NLRX1: variants seen among roughly 807,000 people sequenced by gnomAD.
The protein encoded by NLRX1 is NOD-like receptor X1.
A neutral mutation model predicts 74.2 loss-of-function variants in NLRX1; 67 were observed. The observed-to-expected ratio is 0.90, with a 90% confidence interval of 0.74 to 1.11. The LOEUF is 1.11. Ranked by LOEUF, NLRX1 falls within the 50% of genes least tolerant of loss-of-function variation. The probability of loss-of-function intolerance (pLI) is 0.00; values close to 1 mark genes in which losing one functional copy is unlikely to be tolerated. For missense variants in NLRX1, 1,191 were observed against 1,305.4 expected (o/e 0.91, Z 1.35); for synonymous variants, 506 against 559.1 (o/e 0.91, Z 1.34).
Position 119,174,664 on chromosome 11 carries a change from TC to T in NLRX1, c.1062del (p.Ser355ProfsTer10), listed in dbSNP as rs1325502641. 6.2e-7 allele frequency: 1 copy of T among 1,613,994 alleles called. No homozygotes were observed. The highest frequency in any genetic ancestry group is 8.5e-7 in the Non-Finnish European group (1 of 1,180,040). ...PAQRDHLVQM[L>X]SRNLEGHHQI... The stretch of plus-strand genomic sequence containing the variant: ...CAGCGTGACCACCTGGTGCAGATGC[TC>T]TCCCGGAACCTGGAGGGGCACCACC... On this transcript the variant is annotated frameshift_variant, in exon 6 of 10. Transcript: ENST00000409109. LOFTEE classifies it high-confidence loss of function.
rs1360081576 is a variant in NLRX1, at chr11:119,174,799, C to T, written c.1196C>T (p.Thr399Ile). The T allele has an allele frequency of 1.9e-6, 3 of 1,613,970 alleles. No individual in the cohort carries two copies. Among genetic ancestry groups the T allele is most frequent in the South Asian group, 2.2e-5 (2 of 91,088 alleles). ...PAGQTLTSIY[T>I]SFLRLNFSGE... ...GGGCAGACCCTTACAAGCATCTATACCAGCTTCCTGCGCCTCAACTTCAGC... is the reference window on the plus strand; with the variant it reads ...GGGCAGACCCTTACAAGCATCTATATCAGCTTCCTGCGCCTCAACTTCAGC... Residue 399 changes from threonine (T) to isoleucine (I), a missense_variant, in exon 6 of 10, where the codon ACC (threonine) becomes ATC (isoleucine). Physicochemically the swap from Thr to Ile is moderately conservative, Grantham distance 89. Transcript: ENST00000409109.
At chr11:119,177,737 C>G (rs1385280946) in intron 6 of NLRX1, 3 of 152,230 alleles carry the variant, frequency 2.0e-5, no homozygotes, top group African/African-American at 2.4e-5. Flanking sequence ...TGAGGCCACC[C>G]CGCCTTGAGG....
intron 6 of NLRX1, chr11:119,177,930 T>A (rs1323256632): frequency 6.6e-6 from 1 of 152,214 alleles, no homozygotes; most frequent in Non-Finnish European, 1.5e-5. Context: ...TGGATTCAGC[T>A]TCACAGGGTG....
intron 6 of NLRX1, among the ~76,000 whole-genome samples, chr11:119,175,748 G>C (rs959176680): frequency 8.5e-5 from 13 of 152,062 alleles, no homozygotes; most frequent in African/African-American, 2.9e-4. Context: ...ATTTATACTA[G>C]GAAGATAAAT....
In NLRX1 at chr11:119,177,275, T is replaced by C. The variant is rs539581564; in HGVS notation, c.1671+2001T>C. On this transcript the variant is annotated intron_variant, in intron 6 of 9. Coordinates refer to ENST00000409109, the MANE Select transcript of NLRX1 (RefSeq NM_001282144.2). ...TTTTGTATTTTTAGTAGAGACAGGG[T>C]TTCTCCATGTTGGCCAGACTGGTCT... 7.7e-5 allele frequency among the ~76,000 whole-genome samples: 11 copies of C among 143,366 alleles called. No homozygotes were observed. In the South Asian group the frequency reaches 2.5e-3, roughly 33 times the overall value. 94.1% of individuals were successfully genotyped at this position (143,366 alleles called of 152,430 possible). A position where few individuals can be genotyped will look rare whatever the true frequency, so the allele number is the denominator to read the frequency against.
At chr11:119,170,224 T>TG (rs1354209752) in intron 1 of NLRX1, among the ~76,000 whole-genome samples, 3 of 151,854 alleles carry the variant, frequency 2.0e-5, no homozygotes, top group African/African-American at 7.3e-5. Context: ...TTTCGGGAGG[T>TG]GCTTGGTGCT....
Position 119,172,424 on chromosome 11 carries a change from A to G in NLRX1, c.139A>G (p.Arg47Gly), listed in dbSNP as rs760586955. 3.1e-6 allele frequency: 5 copies of G among 1,610,262 alleles called. No individual in the cohort carries two copies. In the South Asian group the frequency reaches 4.4e-5, roughly 14 times the overall value. Residue 47 changes from arginine to glycine, a missense_variant and splice_region_variant, in exon 3 of 10, where the codon AGG becomes GGG. Transcript: ENST00000409109. Reference sequence around the variant, plus strand: ...AGGGGAGCGTCCCTTTGGGCCCCCTAGGTGAGGCCTGGGTGTCATACCTTA... The same window carrying G: ...AGGGGAGCGTCCCTTTGGGCCCCCTGGGTGAGGCCTGGGTGTCATACCTTA... ...LQGERPFGPP[R>G]AFIRHHGSSV...
rs1003286007 is a variant in NLRX1 at position 119,182,235 on chromosome 11, C to T, written c.2496C>T (p.Asp832=). The change falls in exon 9 of 10, where the codon GAC becomes GAT. Residue 832 remains aspartate (D), a synonymous_variant. Coordinates refer to ENST00000409109, the MANE Select transcript of NLRX1 (RefSeq NM_001282144.2). ...TGGAGCTGCTGGCTGCCCAGCTGGA[C>T]CGCAACCGGCAGCTGCAGGAGCTGA... ...EGLELLAAQL[D]RNRQLQELNV... The T allele has an allele frequency of 6.2e-7, 1 of 1,613,762 alleles. No individual in the cohort carries two copies. The highest frequency in any genetic ancestry group is 8.5e-7 in the Non-Finnish European group (1 of 1,180,040).
Position 119,171,637 on chromosome 11 carries a change from C to CT in NLRX1, c.70+169dup, listed in dbSNP as rs1280032527. ...ATGTCGCTTCACCTTCCTCAGCTGC[C>CT]TTTTTCCCAACCTAAAATAAGGGAG... On this transcript the variant is annotated intron_variant, in intron 2 of 9. Transcript: ENST00000409109. Among the ~76,000 whole-genome samples, 3 of 152,248 alleles carry CT rather than the reference C, an allele frequency of 2.0e-5. No homozygotes were observed. In the East Asian group the frequency reaches 5.8e-4, roughly 29 times the overall value.
Position 119,179,841 on chromosome 11 carries a change from C to T in NLRX1, c.1820C>T (p.Pro607Leu). Residue 607 changes from proline to leucine, a missense_variant, in exon 7 of 10, where the codon CCC becomes CTC. Physicochemically the swap from Pro to Leu is moderately conservative, Grantham distance 98. Transcript: ENST00000409109. ...GCCAGTATCCTGGGCGTGGAGGGCC[C>T]CCGGCGCCACCCAGATGAGCCCCCT... ...MGASILGVEG[P>L]RRHPDEPPED... 1.2e-6 allele frequency: 2 copies of T among 1,613,956 alleles called. No homozygotes were observed. Among genetic ancestry groups the T allele is most frequent in the South Asian group, 1.1e-5 (1 of 91,048 alleles).
chr11:119,175,266 C>T lies in NLRX1; in HGVS notation c.1663C>T (p.Leu555=). ...PLRALPLLFN[L]IKVVPRVFGR... is the part of the protein sequence containing the mutation. Reference sequence around the variant, plus strand: ...GCGGGCTCTGCCTCTGCTCTTCAACCTGATCAAGGTAACATCCCGATCAAG... The same window carrying T: ...GCGGGCTCTGCCTCTGCTCTTCAACTTGATCAAGGTAACATCCCGATCAAG... The change falls in exon 6 of 10, where the codon CTG becomes TTG. Residue 555 remains leucine (L), a synonymous_variant. Transcript: ENST00000409109. The T allele has an allele frequency of 6.2e-7, 1 of 1,613,196 alleles. No homozygotes were observed. Among genetic ancestry groups the T allele is most frequent in the Non-Finnish European group, 8.5e-7 (1 of 1,179,526 alleles).
intron 7 of NLRX1, among the ~76,000 whole-genome samples, chr11:119,180,789 C>G (rs1948818682): frequency 6.6e-6 from 1 of 151,944 alleles, no homozygotes; most frequent in Non-Finnish European, 1.5e-5. Context: ...GCCTGTAATC[C>G]CACTGCTTTG....
chr11:119,175,773 G>A (rs1215438229), intron 6 of NLRX1, among the ~76,000 whole-genome samples: 1 of 152,120 alleles, frequency 6.6e-6, no homozygotes, highest in Non-Finnish European at 1.5e-5. Context: ...TTGGTAATTG[G>A]CTTAGGGGAG....
Position 119,180,055 on chromosome 11 carries a change from C to T in NLRX1, c.2034C>T (p.His678=). 1.2e-6 allele frequency: 2 copies of T among 1,613,692 alleles called. No individual in the cohort carries two copies. Among genetic ancestry groups the T allele is most frequent in the Non-Finnish European group, 1.7e-6 (2 of 1,180,036 alleles). ...QVLPPSELLD[H]LFFHYEFQNQ... ...TGCCCCCATCAGAGCTCCTTGACCA[C>T]CTCTTCTTCCACTATGAGTTCCAGA... The change falls in exon 7 of 10, where the codon CAC becomes CAT. Residue 678 remains histidine (H), a synonymous_variant. Transcript: ENST00000409109.
At chr11:119,181,145 TC>T in intron 7 of NLRX1, 25 bp from the exon 8 acceptor site, 4 of 1,581,892 alleles carry the variant, frequency 2.5e-6, no homozygotes, top group Non-Finnish European at 3.5e-6. Flanking sequence ...GTCTCTCACC[TC>T]CCCTCTGGCC....
At chr11:119,177,629 CAA>C (rs775651512) in intron 6 of NLRX1, 9 of 107,500 alleles carry the variant, frequency 8.4e-5, no homozygotes, top group East Asian at 2.6e-4. Flanking sequence ...CTCTGTCTCA[CAA>C]AAAAAAAAAA....
rs185066228 is a variant in NLRX1 at position 119,179,792 on chromosome 11, G to A, written c.1771G>A (p.Asp591Asn). ...GTTTCGAGAGGAGGACTACTACAAC[G>A]ATGATGTTCTGGACCAGATGGGCGC... ...EMFREEDYYN[D>N]DVLDQMGASI... Residue 591 changes from aspartate to asparagine, a missense_variant, in exon 7 of 10, where the codon GAT (aspartate) becomes AAT (asparagine). By Grantham distance (23) the Asp-to-Asn change is conservative. Coordinates refer to ENST00000409109, the MANE Select transcript of NLRX1 (RefSeq NM_001282144.2). 5.1e-5 allele frequency: 83 copies of A among 1,614,190 alleles called. No individual in the cohort carries two copies. The Admixed American group carries it at 1.1e-3, about 21-fold the overall frequency.
Position 119,171,531 on chromosome 11 carries a change from T to C in NLRX1, c.70+58T>C, listed in dbSNP as rs1335438266. 7 of 1,291,294 alleles carry C rather than the reference T, an allele frequency of 5.4e-6. No homozygotes were observed. The African/African-American group carries it at 1.0e-4, about 19-fold the overall frequency. The allele number at this position is 1,291,294 out of a possible 1,614,324, so 80.0% of individuals were successfully genotyped here. On this transcript the variant is annotated intron_variant, in intron 2 of 9. Coordinates refer to ENST00000409109, the MANE Select transcript of NLRX1 (RefSeq NM_001282144.2). ...TCTTTCTTGCTTTCCAGGGTCCACA[T>C]GATGCCTCCAAGACAGCAGGGATCC...
At chr11:119,171,048 C>T (rs1304186280) in intron 1 of NLRX1, among the ~76,000 whole-genome samples, 1 of 152,144 alleles carries the variant, frequency 6.6e-6, no homozygotes, top group African/African-American at 2.4e-5. Flanking sequence ...GAGGCTGAGG[C>T]AGGAGAATCG....
Sources: gnomAD v4.1 joint callset for allele counts (sites outside exome capture counted in the v4.1 genomes callset) on GRCh38, gnomAD v4.1.1 for gene constraint, MANE v1.5 for transcripts, NCBI Gene and HGNC (gene_info 2026-07-23, HGNC 2026-07-21) for gene names.